RBMS3: variants seen among roughly 807,000 people sequenced by gnomAD.
RBMS3 encodes RNA-binding motif, single-stranded-interacting protein 3.
RBMS3 carries 27 observed loss-of-function variants against 66.8 expected under a neutral mutation model. The ratio of observed to expected loss-of-function variants is 0.40; its 90% confidence interval spans 0.30 to 0.56. The LOEUF (loss-of-function observed/expected upper bound fraction) is 0.56, where lower values mean the gene tolerates loss of function less well. RBMS3 is among the 20% of genes least tolerant of loss of function. The pLI is 0.40. For missense variants in RBMS3, 513 were observed against 549.5 expected, an observed-to-expected ratio of 0.93 and a Z score of 0.66; for synonymous variants, 188 against 183.0, an observed-to-expected ratio of 1.03 and a Z score of -0.22.
chr3:29,327,010 G>A (rs1313397471), intron 1 of RBMS3, among the ~76,000 whole-genome samples: 3 of 152,110 alleles, frequency 2.0e-5, no homozygotes, highest in Non-Finnish European at 4.4e-5. Flanking sequence ...GATTACAGGC[G>A]TGAGCCACCA....
chr3:29,639,589 T>TAG (rs1216382179), intron 4 of RBMS3, among the ~76,000 whole-genome samples: 9 of 113,916 alleles, frequency 7.9e-5, no homozygotes, highest in African/African-American at 2.9e-4. Flanking sequence ...AGATAGAAGA[T>TAG]AGACAGAGAG....
At chr3:29,487,845 G>T (rs2043379431) in intron 2 of RBMS3, among the ~76,000 whole-genome samples, 1 of 151,848 alleles carries the variant, frequency 6.6e-6, no homozygotes, top group Admixed American at 6.6e-5. Context: ...TACTTACTTA[G>T]CCAACCAAAT....
At chr3:29,535,177 T>C (rs986473435) in intron 3 of RBMS3, among the ~76,000 whole-genome samples, 1 of 152,146 alleles carries the variant, frequency 6.6e-6, no homozygotes, top group Non-Finnish European at 1.5e-5. Context: ...CTTAGGGGTT[T>C]TTAGAGCAAG....
chr3:29,443,014 C>T (rs1180603521), intron 2 of RBMS3, among the ~76,000 whole-genome samples: 21 of 151,956 alleles, frequency 1.4e-4, no homozygotes, highest in Admixed American at 1.4e-3. Context: ...CTATATTGTC[C>T]ACCATCAACT....
At chr3:29,624,710 G>A (rs1464178852) in intron 4 of RBMS3, among the ~76,000 whole-genome samples, 1 of 152,078 alleles carries the variant, frequency 6.6e-6, no homozygotes. Context: ...AATAAAAGGA[G>A]CACATATATG....
chr3:29,561,203 T>C (rs762321545), intron 3 of RBMS3, among the ~76,000 whole-genome samples: 1 of 152,194 alleles, frequency 6.6e-6, no homozygotes, highest in Non-Finnish European at 1.5e-5. Flanking sequence ...TGAACATACA[T>C]GTGCATGTGT....
chr3:29,413,566 C>T (rs2040365137), intron 1 of RBMS3, among the ~76,000 whole-genome samples: 1 of 152,128 alleles, frequency 6.6e-6, no homozygotes, highest in Non-Finnish European at 1.5e-5. Flanking sequence ...TTAATAGTTA[C>T]ACTGGTGTTA....
intron 6 of RBMS3, among the ~76,000 whole-genome samples, chr3:29,834,256 A>T (rs1023088356): frequency 6.6e-6 from 1 of 152,142 alleles, no homozygotes; most frequent in Non-Finnish European, 1.5e-5. Context: ...AAACAAAAGT[A>T]TAAAACTCAC....
intron 12 of RBMS3, among the ~76,000 whole-genome samples, chr3:29,986,736 A>G (rs1006138982): frequency 1.3e-5 from 2 of 152,200 alleles, no homozygotes; most frequent in African/African-American, 2.4e-5. Context: ...TGAGGCCAAG[A>G]GTTCAGGACC....
chr3:29,669,347 T>A (rs75403411), intron 4 of RBMS3, among the ~76,000 whole-genome samples: 2,617 of 152,312 alleles, frequency 0.017, 68 homozygotes, highest in East Asian at 0.13. Flanking sequence ...GTATCCATAC[T>A]GTTTCTCCTC....
At chr3:29,566,197 A>G (rs996490281) in intron 3 of RBMS3, among the ~76,000 whole-genome samples, 3 of 152,126 alleles carry the variant, frequency 2.0e-5, no homozygotes, top group African/African-American at 7.2e-5. Flanking sequence ...CTTAGGGTAA[A>G]ATATAATAAT....
chr3:29,349,855 A>G (rs1220406764), intron 1 of RBMS3, among the ~76,000 whole-genome samples: 1 of 152,162 alleles, frequency 6.6e-6, no homozygotes, highest in Non-Finnish European at 1.5e-5. Context: ...ATCTCGATTT[A>G]TTCATAAAAA....
At chr3:29,485,851 A>G (rs2043299113) in intron 2 of RBMS3, among the ~76,000 whole-genome samples, 1 of 152,162 alleles carries the variant, frequency 6.6e-6, no homozygotes, top group South Asian at 2.1e-4. Flanking sequence ...TTCTGCTTCC[A>G]ATGGTGGGTG....
intron 5 of RBMS3, among the ~76,000 whole-genome samples, chr3:29,752,462 CACCATCTTCT>C (rs2055226790): frequency 6.6e-6 from 1 of 152,242 alleles, no homozygotes; most frequent in South Asian, 2.1e-4. Context: ...GCCGGGGAAC[CACCATCTTCT>C]ACCCAGTATT....
intron 1 of RBMS3, among the ~76,000 whole-genome samples, chr3:29,325,720 G>A (rs139663770): frequency 6.6e-6 from 1 of 151,600 alleles, no homozygotes. Flanking sequence ...AAACTCACAG[G>A]TGTTCTTCTA....
chr3:29,950,965 C>G (rs1206313187), intron 12 of RBMS3, among the ~76,000 whole-genome samples: 1 of 151,840 alleles, frequency 6.6e-6, no homozygotes, highest in East Asian at 1.9e-4. Context: ...AATCTATTTT[C>G]CCTTAGCCTT....
chr3:29,293,274 G>A (rs1439582010), intron 1 of RBMS3, among the ~76,000 whole-genome samples: 1 of 148,780 alleles, frequency 6.7e-6, no homozygotes, highest in African/African-American at 2.4e-5. Flanking sequence ...TGTTGTTGTT[G>A]TTCTGTGTGG....
At chr3:29,789,087 T>G (rs2056919260) in intron 6 of RBMS3, among the ~76,000 whole-genome samples, 1 of 152,184 alleles carries the variant, frequency 6.6e-6, no homozygotes, top group African/African-American at 2.4e-5. Flanking sequence ...TTGGGCCTTT[T>G]AAAAATTAAT....
intron 4 of RBMS3, among the ~76,000 whole-genome samples, chr3:29,596,382 G>A (rs2047943148): frequency 6.6e-6 from 1 of 152,206 alleles, no homozygotes; most frequent in Admixed American, 6.5e-5. Flanking sequence ...TGCTCTTCAA[G>A]TCCTTTAACT....
Sources: allele counts gnomAD v4.1 joint callset (sites outside exome capture counted in the v4.1 genomes callset), GRCh38; gene constraint gnomAD v4.1.1; transcripts MANE v1.5; gene names NCBI Gene and HGNC (gene_info 2026-07-23, HGNC 2026-07-21).